Variants in TNRC18 observed in about 807,000 individuals in gnomAD.
TNRC18 encodes the protein trinucleotide repeat containing 18.
A neutral mutation model predicts 226.7 loss-of-function variants in TNRC18; 69 were observed. That is an observed-to-expected ratio of 0.30 (90% CI 0.25 to 0.37). The LOEUF (loss-of-function observed/expected upper bound fraction) is 0.37, where lower values mean the gene tolerates loss of function less well. TNRC18 is among the 10% of genes least tolerant of loss of function. TNRC18 has a pLI of 1.00. For missense variants in TNRC18, 4,754 were observed against 4,256.6 expected (o/e 1.12, Z -3.25); for synonymous variants, 2,449 against 1,927.6 (o/e 1.27, Z -7.09).
chr7:5,386,386 G>A (rs1411210212), intron 5 of TNRC18, among the ~76,000 whole-genome samples: 1 of 152,022 alleles, frequency 6.6e-6, no homozygotes, highest in African/African-American at 2.4e-5. Context: ...AGACCAGCCT[G>A]GCCAACATGG....
At chr7:5,361,091 C>T (rs1460404159) in intron 14 of TNRC18, among the ~76,000 whole-genome samples, 1 of 152,210 alleles carries the variant, frequency 6.6e-6, no homozygotes. Context: ...TTCAGAAAGA[C>T]CCACACAGGT....
chr7:5,351,857 G>T lies in TNRC18; in HGVS notation c.5432C>A (p.Ser1811Tyr). 1 of 1,608,248 alleles carries T rather than the reference G, an allele frequency of 6.2e-7. No homozygotes were observed. Among genetic ancestry groups the T allele is most frequent in the Non-Finnish European group, 8.5e-7 (1 of 1,177,598 alleles). ...TTCCTCCGAAGAGTCGCTGAAGGAG[G>T]AACGCGCCTCGGCCTCTCGAAGCAG... Reference protein sequence around the residue: ...CLLLREAEARSSFSDSSEESF... With the variant: ...CLLLREAEARYSFSDSSEESF... Residue 1811 changes from serine (S) to tyrosine (Y), a missense_variant, in exon 17 of 30, where the codon TCC becomes TAC. Ser to Tyr is a moderately radical substitution (Grantham distance 144, BLOSUM62 -2). Coordinates refer to ENST00000430969, the MANE Select transcript of TNRC18 (RefSeq NM_001080495.3).
chr7:5,357,957 G>A (rs760939684), intron 15 of TNRC18, among the ~76,000 whole-genome samples: 1 of 152,194 alleles, frequency 6.6e-6, no homozygotes, highest in African/African-American at 2.4e-5. Context: ...GCTTTCCGTG[G>A]CACTGCTTGG....
At chr7:5,327,249 A>G (rs1789006574) in intron 19 of TNRC18, among the ~76,000 whole-genome samples, 1 of 152,264 alleles carries the variant, frequency 6.6e-6, no homozygotes, top group South Asian at 2.1e-4. Context: ...CAGCGTCCAT[A>G]TCCAAAATGA....
intron 2 of TNRC18, among the ~76,000 whole-genome samples, chr7:5,404,227 T>A (rs1178116636): frequency 6.6e-6 from 1 of 152,014 alleles, no homozygotes; most frequent in Non-Finnish European, 1.5e-5. Flanking sequence ...AAAACTTAGG[T>A]GGGTGTGGTG....
intron 16 of TNRC18, 110 bp from the exon 17 acceptor site, chr7:5,352,204 C>A: frequency 8.4e-7 from 1 of 1,195,774 alleles, no homozygotes; most frequent in Non-Finnish European, 1.2e-6. Context: ...CCAGAACAAA[C>A]AGGTCCGAAT....
chr7:5,353,535 G>A (rs1792049648), intron 16 of TNRC18, among the ~76,000 whole-genome samples: 1 of 148,134 alleles, frequency 6.8e-6, no homozygotes, highest in Middle Eastern at 3.5e-3. Context: ...ACTCCAGCCT[G>A]GGCGACAGAG....
At chr7:5,337,898 G>A (rs893629631) in intron 18 of TNRC18, among the ~76,000 whole-genome samples, 61 of 151,548 alleles carry the variant, frequency 4.0e-4, no homozygotes, top group African/African-American at 1.3e-3. Flanking sequence ...CAGGAGAATC[G>A]CTTGAACCCT....
intron 17 of TNRC18, among the ~76,000 whole-genome samples, chr7:5,350,098 G>A (rs531834362): frequency 6.1e-4 from 93 of 152,186 alleles, no homozygotes; most frequent in East Asian, 3.5e-3. Context: ...TTAAGGGGGC[G>A]TGGGGTCCAG....
At position 5,312,061 on chromosome 7, in the gene TNRC18, G is replaced by A. The variant is rs1485200811; in HGVS notation, c.8388+442C>T. On this transcript the variant is annotated intron_variant, in intron 27 of 29. Transcript: ENST00000430969. The surrounding 1 kb of genome is among the most constrained non-coding windows in gnomAD (Gnocchi z 6.3). ...TGACGCAGGAGAATTGCTTGAACCC[G>A]GGAGGCAGAGGGTGCAGTAAGCCAA... is the stretch of plus-strand genomic sequence containing the variant. 2.6e-5 allele frequency among the ~76,000 whole-genome samples: 4 copies of A among 152,046 alleles called. No individual in the cohort carries two copies. The highest frequency in any genetic ancestry group is 1.9e-4 in the East Asian group (1 of 5,162).
chr7:5,308,827 G>T, intron 29 of TNRC18, 48 bp downstream of exon 29: 3 of 1,536,040 alleles, frequency 2.0e-6, no homozygotes, highest in Non-Finnish European at 1.8e-6. Context: ...TGCCCGGAAG[G>T]AAGCAGCCAT....
intron 1 of TNRC18, among the ~76,000 whole-genome samples, 161 bp from the exon 2 acceptor site, chr7:5,421,650 T>C (rs1284416776): frequency 6.6e-6 from 1 of 152,156 alleles, no homozygotes; most frequent in Non-Finnish European, 1.5e-5. Context: ...CCCTTTCCAC[T>C]GAAAAATGAA....
chr7:5,354,360 A>G (rs1792130090), intron 16 of TNRC18, among the ~76,000 whole-genome samples: 1 of 152,030 alleles, frequency 6.6e-6, no homozygotes, highest in African/African-American at 2.4e-5. Flanking sequence ...GTCCACCTGA[A>G]AGTGGGGAAT....
In TNRC18 at chr7:5,421,035, G is replaced by A. The variant is rs374194468; in HGVS notation, c.187+25C>T. The A allele has an allele frequency of 1.2e-3, 1,902 of 1,534,344 alleles. 23 individuals are homozygous for A. The African/African-American group carries it at 0.022, about 18-fold the overall frequency. On this transcript the variant is annotated intron_variant, in intron 2 of 29. Transcript: ENST00000430969. ...GGATCTCCCTGGGAAGACAGGAGGG[G>A]ACGGGCACGGCGCGGGGCACTTACC...
chr7:5,318,480 C>T (rs987827011), intron 24 of TNRC18, among the ~76,000 whole-genome samples: 2 of 151,976 alleles, frequency 1.3e-5, no homozygotes, highest in Non-Finnish European at 2.9e-5. Context: ...AGCCCAAGTT[C>T]CAGGGAAAAC....
chr7:5,381,023 T>TC (rs938563503), intron 5 of TNRC18, among the ~76,000 whole-genome samples: 3 of 151,818 alleles, frequency 2.0e-5, no homozygotes, highest in African/African-American at 7.3e-5. Flanking sequence ...AAGCCCTCTG[T>TC]CCCCCCGACT....
intron 16 of TNRC18, among the ~76,000 whole-genome samples, chr7:5,355,673 C>T (rs182194669): frequency 2.0e-5 from 3 of 152,080 alleles, no homozygotes; most frequent in Admixed American, 6.6e-5. Flanking sequence ...ATTGCTTGAG[C>T]CCAGGCACCA....
intron 15 of TNRC18, among the ~76,000 whole-genome samples, chr7:5,357,652 TTTA>T (rs1366125792): frequency 1.3e-5 from 2 of 152,106 alleles, no homozygotes; most frequent in African/African-American, 4.8e-5. Context: ...CTGGCTAATT[TTTA>T]TTATTTTTAT....
At chr7:5,382,052 G>A (rs886480317) in intron 5 of TNRC18, among the ~76,000 whole-genome samples, 9 of 152,172 alleles carry the variant, frequency 5.9e-5, no homozygotes, top group African/African-American at 2.2e-4. Flanking sequence ...GCCCAGCAGG[G>A]CCCCAGGCCA....
Sources: gnomAD v4.1 joint callset for allele counts (sites outside exome capture counted in the v4.1 genomes callset) on GRCh38, gnomAD v4.1.1 for gene constraint, Gnocchi (gnomAD v3.1) non-coding constraint, MANE v1.5 for transcripts, NCBI Gene and HGNC (gene_info 2026-07-23, HGNC 2026-07-21) for gene names.